SLC8A1: variants seen among roughly 807,000 people sequenced by gnomAD.
SLC8A1 encodes solute carrier family 8 member A1.
Under a neutral mutation model 68.3 loss-of-function variants are expected in SLC8A1, and 18 were observed. The observed-to-expected ratio is 0.26, with a 90% CI of 0.18 to 0.39. The LOEUF (loss-of-function observed/expected upper bound fraction) is 0.39, where lower values mean the gene tolerates loss of function less well. Ranked by LOEUF, SLC8A1 falls within the 10% of genes least tolerant of loss-of-function variation. SLC8A1 has a pLI of 1.00. For missense variants in SLC8A1, 985 were observed against 1,156.7 expected (o/e 0.85, Z 2.15); for synonymous variants, 475 against 415.5 (o/e 1.14, Z -1.74).
intron 2 of SLC8A1, among the ~76,000 whole-genome samples, chr2:40,393,297 T>C (rs1429291730): frequency 6.6e-6 from 1 of 152,060 alleles, no homozygotes; most frequent in Non-Finnish European, 1.5e-5. Context: ...AGCTATCCAG[T>C]TGTGCTTTGA....
chr2:40,437,732 A>G (rs1382525623), intron 1 of SLC8A1, among the ~76,000 whole-genome samples: 1 of 152,150 alleles, frequency 6.6e-6, no homozygotes, highest in Non-Finnish European at 1.5e-5. Context: ...ATTTTTCTTA[A>G]CATCTTAAAT....
intron 2 of SLC8A1, chr2:40,251,153 A>G (rs2062685823): frequency 6.6e-6 from 1 of 152,214 alleles, no homozygotes; most frequent in Admixed American, 6.5e-5. Context: ...TAAGGTGTGA[A>G]AATGATTCTC....
chr2:40,150,051 TAA>T lies in SLC8A1; in HGVS notation c.2162-10377_2162-10376del, dbSNP rs56010293. Among the ~76,000 whole-genome samples the T allele has an allele frequency of 1.4e-3, 169 of 121,720 alleles. 1 individual carries two copies. The highest frequency in any genetic ancestry group is 4.6e-3 in the Middle Eastern group (1 of 216). The allele number at this position is 121,720 out of a possible 152,430, so 79.9% of individuals were successfully genotyped here. A position where few individuals can be genotyped will look rare whatever the true frequency, so the allele number is the denominator to read the frequency against. On this transcript the variant is annotated intron_variant, in intron 6 of 7. Coordinates refer to ENST00000406785, the Ensembl canonical transcript of SLC8A1. ...TCTCTGTTCTCAGGTTCTTATTTGT[TAA>T]AAAAAAAAAAAAAAAAAAGGCAAGG...
intron 2 of SLC8A1, among the ~76,000 whole-genome samples, chr2:40,298,497 G>A (rs1342175630): frequency 1.3e-5 from 2 of 152,176 alleles, no homozygotes; most frequent in Non-Finnish European, 2.9e-5. Context: ...GTAGGAGAAT[G>A]AGGCACACAG....
intron 2 of SLC8A1, among the ~76,000 whole-genome samples, chr2:40,205,120 C>A (rs2055143243): frequency 6.6e-6 from 1 of 151,968 alleles, no homozygotes; most frequent in African/African-American, 2.4e-5. Context: ...GAAAAACTGT[C>A]TCTAGTTAAA....
chr2:40,315,073 T>G (rs1056444552), intron 2 of SLC8A1, among the ~76,000 whole-genome samples: 13 of 152,128 alleles, frequency 8.5e-5, no homozygotes, highest in Middle Eastern at 6.8e-3. Context: ...TTCCCAATAT[T>G]AGGAGAGAAG....
intron 2 of SLC8A1, among the ~76,000 whole-genome samples, chr2:40,308,693 G>A (rs1372566968): frequency 6.6e-6 from 1 of 152,112 alleles, no homozygotes; most frequent in Non-Finnish European, 1.5e-5. Flanking sequence ...GGTGTATTGG[G>A]CTCGCAGTTA....
chr2:40,198,047 A>T (rs2053424057), intron 2 of SLC8A1, among the ~76,000 whole-genome samples: 1 of 152,022 alleles, frequency 6.6e-6, no homozygotes, highest in South Asian at 2.1e-4. Flanking sequence ...CAGATGAGGA[A>T]CAGCAGAGGA....
intron 1 of SLC8A1, among the ~76,000 whole-genome samples, chr2:40,448,322 A>G (rs2149860332): frequency 6.6e-6 from 1 of 152,300 alleles, no homozygotes; most frequent in Admixed American, 6.5e-5. Flanking sequence ...AGGAAGAAAG[A>G]AAACCGAAAG....
At chr2:40,214,887 C>G (rs1016134237) in intron 2 of SLC8A1, among the ~76,000 whole-genome samples, 43 of 152,104 alleles carry the variant, frequency 2.8e-4, no homozygotes, top group African/African-American at 9.9e-4. Context: ...TCATCCCAAA[C>G]TACCTTAGTT....
rs145302178 is a variant in SLC8A1 at position 40,317,767 on chromosome 2, G to T, written c.1808+110706C>A. ...TTACTTAAAAAATTTATTCTTATCT[G>T]AAAATTATGGCAATGTTTAAAATGT... On this transcript the variant is annotated intron_variant, in intron 2 of 7. Transcript: ENST00000406785. Among the ~76,000 whole-genome samples, 259 of 152,072 alleles carry T rather than the reference G, an allele frequency of 1.7e-3. 4 individuals are homozygous for T. The East Asian group carries it at 0.036, about 21-fold the overall frequency.
chr2:40,407,143 T>G (rs1690624618), intron 2 of SLC8A1, among the ~76,000 whole-genome samples: 1 of 152,176 alleles, frequency 6.6e-6, no homozygotes. Flanking sequence ...CCCAGCTCAC[T>G]GCAACCTCTG....
In SLC8A1 at chr2:40,406,731, T is replaced by C. The variant is rs114309061; in HGVS notation, c.1808+21742A>G. On this transcript the variant is annotated intron_variant, in intron 2 of 7. Coordinates refer to ENST00000406785, the Ensembl canonical transcript of SLC8A1. The stretch of plus-strand genomic sequence containing the variant: ...TGGAGGAAGCAACATGGTCCTGCAT[T>C]TCGATCTAAGCCTACAATCTAACCA... Among the ~76,000 whole-genome samples, 404 of 152,288 alleles carry C rather than the reference T, an allele frequency of 2.7e-3. 3 individuals carry two copies. The highest frequency in any genetic ancestry group is 9.6e-3 in the African/African-American group (397 of 41,562).
At chr2:40,386,611 ATT>A (rs1683630720) in intron 2 of SLC8A1, among the ~76,000 whole-genome samples, 1 of 130,112 alleles carries the variant, frequency 7.7e-6, no homozygotes, top group Non-Finnish European at 1.6e-5. Flanking sequence ...ACTTGATGAA[ATT>A]TAAAAATCAA....
intron 2 of SLC8A1, among the ~76,000 whole-genome samples, chr2:40,292,981 A>G (rs528023378): frequency 6.6e-6 from 1 of 152,256 alleles, no homozygotes; most frequent in East Asian, 1.9e-4. Flanking sequence ...GTGCCTTTCC[A>G]TCTTAACTCT....
chr2:40,179,855 C>A (rs1010831141), intron 2 of SLC8A1, among the ~76,000 whole-genome samples: 20 of 152,182 alleles, frequency 1.3e-4, no homozygotes, highest in Admixed American at 1.1e-3. Context: ...TTCCCAGCGC[C>A]TAATGCCAAA....
intron 6 of SLC8A1, among the ~76,000 whole-genome samples, chr2:40,145,826 G>C (rs977909216): frequency 6.6e-6 from 1 of 152,208 alleles, no homozygotes; most frequent in South Asian, 2.1e-4. Context: ...CTCATAAAAT[G>C]ATCTGAAACT....
At chr2:40,481,371 T>C (rs548825407) in intron 1 of SLC8A1, among the ~76,000 whole-genome samples, 1 of 152,360 alleles carries the variant, frequency 6.6e-6, no homozygotes, top group South Asian at 2.1e-4. Context: ...AATTCAGCCA[T>C]ACCTGGCTTT....
chr2:40,135,348 C>T (rs911428387), intron 7 of SLC8A1, among the ~76,000 whole-genome samples: 5 of 152,144 alleles, frequency 3.3e-5, no homozygotes, highest in African/African-American at 1.2e-4. Context: ...TGAGAGAGGA[C>T]AGCTGTGTAG....
Sources: gnomAD v4.1 joint callset for allele counts (sites outside exome capture counted in the v4.1 genomes callset) on GRCh38, gnomAD v4.1.1 for gene constraint, MANE v1.5 for transcripts, NCBI Gene and HGNC (gene_info 2026-07-23, HGNC 2026-07-21) for gene names.